Variants in MYADM observed in about 807,000 individuals in gnomAD.
MYADM encodes the protein myeloid associated differentiation marker.
For missense variants in MYADM, 416 were observed against 443.4 expected (o/e 0.94, Z 0.56); for synonymous variants, 224 against 210.2 (o/e 1.07, Z -0.57).
In MYADM at chr19:53,874,828, T is replaced by C. The variant is rs1143262; in HGVS notation, c.*330T>C. On this transcript the variant is annotated 3_prime_UTR_variant, in exon 3 of 3. Transcript: ENST00000391770. ...TCTCACTCTGTGGCCCAGGCTGGAG[T>C]GCAGTGGTGCGATCTCGACTCACTG... The C allele has an allele frequency of 0.63, 102,977 of 164,224 alleles. 35,321 individuals carry two copies. The highest frequency in any genetic ancestry group is 0.76 in the Non-Finnish European group (56,092 of 73,880). The allele number at this position is 164,224 out of a possible 1,614,324, so 10.2% of individuals were successfully genotyped here. A position where few individuals can be genotyped will look rare whatever the true frequency, so the allele number is the denominator to read the frequency against.
chr19:53,874,016 G>C lies in MYADM; in HGVS notation c.487G>C (p.Gly163Arg). The change falls in exon 3 of 3, where the codon GGC (glycine) becomes CGC (arginine). Residue 163 changes from glycine (G) to arginine (R), a missense_variant. By Grantham distance (125) the Gly-to-Arg change is moderately radical (BLOSUM62 -2). Transcript: ENST00000391770. ...AGTGGCCTGGACCCGGGCCCGGCCCGGCGAGATCACTGGCTATATGGCCAC... is the reference window on the plus strand; with the variant it reads ...AGTGGCCTGGACCCGGGCCCGGCCCCGCGAGATCACTGGCTATATGGCCAC... ...TEVAWTRARP[G>R]EITGYMATVP... 6.2e-7 allele frequency: 1 copy of C among 1,608,542 alleles called. No individual in the cohort carries two copies. Among genetic ancestry groups the C allele is most frequent in the Non-Finnish European group, 8.5e-7 (1 of 1,179,992 alleles).
chr19:53,874,353 G>A lies in MYADM; in HGVS notation c.824G>A (p.Arg275Lys). Residue 275 changes from arginine to lysine, a missense_variant, in exon 3 of 3, where the codon AGA becomes AAA. Transcript: ENST00000391770. ...EKYGGQPRRSRDVSCSRSHAY... is the reference protein window; with the variant it reads ...EKYGGQPRRSKDVSCSRSHAY... ...TATGGCGGCCAGCCTCGGCGCTCGA[G>A]AGATGTAAGCTGCAGCCGCAGCCAT... 1 of 1,614,026 alleles carries A rather than the reference G, an allele frequency of 6.2e-7. No individual in the cohort carries two copies. Among genetic ancestry groups the A allele is most frequent in the South Asian group, 1.1e-5 (1 of 91,080 alleles).
At chr19:53,866,484 G>A (rs919206245), upstream of MYADM, 8 of 152,272 alleles carry the variant, frequency 5.3e-5, no homozygotes, top group African/African-American at 1.9e-4. The surrounding 1 kb of genome is among the most constrained non-coding windows in gnomAD (Gnocchi z 4.3). Context: ...CTCCCCGGGG[G>A]CCCGACATCC....
chr19:53,873,369 C>A lies in MYADM; in HGVS notation c.-2-159C>A, dbSNP rs1181554282. Among the ~76,000 whole-genome samples, 2 of 141,124 alleles carry A rather than the reference C, an allele frequency of 1.4e-5. No individual in the cohort carries two copies. Among genetic ancestry groups the A allele is most frequent in the African/African-American group, 6.0e-5 (2 of 33,234 alleles). The allele number at this position is 141,124 out of a possible 152,430, so 92.6% of individuals were successfully genotyped here. On this transcript the variant is annotated intron_variant, in intron 2 of 2. Coordinates refer to ENST00000391770, the MANE Select transcript of MYADM (RefSeq NM_138373.5). This position sits in a 1 kb window ranked among gnomAD's most constrained non-coding sequence, Gnocchi z 4.3. ...CCTGGGCCACAGAGCAAGACTCTGT[C>A]TCAAAAAAAAAAAAAGAAAAGAAAA...
chr19:53,874,622 C>T lies in MYADM; in HGVS notation c.*124C>T, dbSNP rs2068484543. ...TTCCTCTTCCTGTCTCCCCTCCCTC[C>T]CACCTTTTTCTTTCCTTCCCAATTC... On this transcript the variant is annotated 3_prime_UTR_variant, in exon 3 of 3. Transcript: ENST00000391770. 8.6e-7 allele frequency: 1 copy of T among 1,161,590 alleles called. No individual in the cohort carries two copies. Among genetic ancestry groups the T allele is most frequent in the Non-Finnish European group, 1.2e-6 (1 of 839,178 alleles). 72.0% of individuals were successfully genotyped at this position (1,161,590 alleles called of 1,614,324 possible).
chr19:53,876,284 ATG>A lies in MYADM; in HGVS notation c.*1788_*1789del, dbSNP rs1167044857. 2 of 157,364 alleles carry A rather than the reference ATG, an allele frequency of 1.3e-5. No homozygotes were observed. Among genetic ancestry groups the A allele is most frequent in the African/African-American group, 5.0e-5 (2 of 39,820 alleles). The allele number at this position is 157,364 out of a possible 1,614,324, so 9.7% of individuals were successfully genotyped here. ...GTGATATATATATATATATATATAA[ATG>A]TATAAATATATATTTTATTTTTTTT... On this transcript the variant is annotated 3_prime_UTR_variant, in exon 3 of 3. Transcript: ENST00000391770.
At chr19:53,867,061 G>A (rs989351985), upstream of MYADM, among the ~76,000 whole-genome samples, 2 of 152,068 alleles carry the variant, frequency 1.3e-5, no homozygotes, top group African/African-American at 4.8e-5. Flanking sequence ...TAGCTCCCAG[G>A]AATTTTGCCC....
rs2068520748 is a variant in MYADM at position 53,875,728 on chromosome 19, A to T, written c.*1230A>T. 1 of 153,586 alleles carries T rather than the reference A, an allele frequency of 6.5e-6. No homozygotes were observed. The highest frequency in any genetic ancestry group is 1.5e-5 in the Non-Finnish European group (1 of 68,030). The allele number at this position is 153,586 out of a possible 1,614,324, so 9.5% of individuals were successfully genotyped here. ...GCCGGGCGTGGTGGCGGGCGCCTGT[A>T]ATCCCAGGTATTTGGGGGGACTGAG... On this transcript the variant is annotated 3_prime_UTR_variant, in exon 3 of 3. Coordinates refer to ENST00000391770, the MANE Select transcript of MYADM (RefSeq NM_138373.5).
chr19:53,873,855 C>T lies in MYADM; in HGVS notation c.326C>T (p.Ala109Val). 5.6e-6 allele frequency: 9 copies of T among 1,613,438 alleles called. No individual in the cohort carries two copies. The highest frequency in any genetic ancestry group is 7.6e-6 in the Non-Finnish European group (9 of 1,180,046). ...TTCCCCATCACCTTCGCCTGCTATG[C>T]GGCCCTCTTCTGCCTCTCGGCCTCC... ...RNFPITFACY[A>V]ALFCLSASII... The change falls in exon 3 of 3, where the codon GCG becomes GTG. Residue 109 changes from alanine to valine, a missense_variant. Coordinates refer to ENST00000391770, the MANE Select transcript of MYADM (RefSeq NM_138373.5). The surrounding 1 kb of genome is among the most constrained non-coding windows in gnomAD (Gnocchi z 4.3).
At position 53,873,799 on chromosome 19, in the gene MYADM, C is replaced by T; in HGVS notation, c.270C>T (p.Leu90=). The change falls in exon 3 of 3, where the codon CTC becomes CTT. Residue 90 remains leucine (L), a synonymous_variant. Transcript: ENST00000391770. The surrounding 1 kb of genome is among the most constrained non-coding windows in gnomAD (Gnocchi z 4.3). ...TCCTCATCGTGGAGCTGTGCGGGCT[C>T]CAGGCCCGCTTCCCCCTGTCTTGGC... ...LIILIVELCG[L]QARFPLSWRN... is the part of the protein sequence containing the mutation. 6.2e-7 allele frequency: 1 copy of T among 1,613,836 alleles called. No homozygotes were observed.
intron 1 of MYADM, chr19:53,869,534 C>T (rs1397282005): frequency 6.6e-6 from 1 of 152,594 alleles, no homozygotes; most frequent in Non-Finnish European, 1.5e-5. Flanking sequence ...TAAGATCACA[C>T]ACGCGCCCAC....
intron 2 of MYADM, among the ~76,000 whole-genome samples, chr19:53,872,397 C>T (rs1246335276): frequency 7.2e-5 from 11 of 151,728 alleles, no homozygotes; most frequent in African/African-American, 2.7e-4. Flanking sequence ...AGTGTCGCCA[C>T]GTTGGCCAGG....
chr19:53,867,330 C>A (rs1404860045), upstream of MYADM, among the ~76,000 whole-genome samples: 3 of 152,102 alleles, frequency 2.0e-5, no homozygotes, highest in Non-Finnish European at 4.4e-5. Flanking sequence ...GATCCTAGCC[C>A]CCCCATTGAA....
Position 53,874,005 on chromosome 19 carries a change from G to T in MYADM, c.476G>T (p.Arg159Leu). The change falls in exon 3 of 3, where the codon CGG becomes CTG. Residue 159 changes from arginine (R) to leucine (L), a missense_variant. Arg to Leu is a moderately radical substitution (Grantham distance 102, BLOSUM62 -2). Transcript: ENST00000391770. ...VAYATEVAWT[R>L]ARPGEITGYM... Reference sequence around the variant, plus strand: ...TACGCCACCGAAGTGGCCTGGACCCGGGCCCGGCCCGGCGAGATCACTGGC... The same window carrying T: ...TACGCCACCGAAGTGGCCTGGACCCTGGCCCGGCCCGGCGAGATCACTGGC... 6.2e-7 allele frequency: 1 copy of T among 1,608,682 alleles called. No individual in the cohort carries two copies.
At chr19:53,869,362 T>C (rs1057303439) in intron 1 of MYADM, 1 of 151,290 alleles carries the variant, frequency 6.6e-6, no homozygotes, top group Non-Finnish European at 1.5e-5. Context: ...CGGGCGGGGG[T>C]CCGGGCACCG....
Position 53,868,368 on chromosome 19 carries a change from G to A in MYADM, c.-88+425G>A, listed in dbSNP as rs995552480. On this transcript the variant is annotated intron_variant, in intron 1 of 2. Coordinates refer to ENST00000391770, the MANE Select transcript of MYADM (RefSeq NM_138373.5). This position sits in a 1 kb window ranked among gnomAD's most constrained non-coding sequence, Gnocchi z 6.3. ...GGGACTCGTAGGTGCCCTAGTTGGA[G>A]GCTGGAATCTGGTACGTGGAGGTCC... is the stretch of plus-strand genomic sequence containing the variant. Among the ~76,000 whole-genome samples, 3 of 152,056 alleles carry A rather than the reference G, an allele frequency of 2.0e-5. No homozygotes were observed. The highest frequency in any genetic ancestry group is 4.4e-5 in the Non-Finnish European group (3 of 67,988).
chr19:53,867,704 A>C (rs1473186719), upstream of MYADM, among the ~76,000 whole-genome samples: 1 of 151,982 alleles, frequency 6.6e-6, no homozygotes, highest in Non-Finnish European at 1.5e-5. Context: ...CGGGAGCTCC[A>C]CGCTACTTTT....
chr19:53,870,332 G>T (rs1255959179), intron 2 of MYADM, among the ~76,000 whole-genome samples: 1 of 129,854 alleles, frequency 7.7e-6, no homozygotes, highest in Non-Finnish European at 1.6e-5. Flanking sequence ...GGGAGGAGGG[G>T]CTGGGGTCTG....
chr19:53,871,314 A>G (rs76487848), intron 2 of MYADM, among the ~76,000 whole-genome samples: 4,176 of 152,242 alleles, frequency 0.027, 178 homozygotes, highest in African/African-American at 0.095. Flanking sequence ...ACAGTTGGAA[A>G]TCTGGGGAGC....
Sources: allele counts gnomAD v4.1 joint callset (sites outside exome capture counted in the v4.1 genomes callset), GRCh38; gene constraint gnomAD v4.1.1; non-coding constraint Gnocchi (gnomAD v3.1); transcripts MANE v1.5; gene names NCBI Gene and HGNC (gene_info 2026-07-23, HGNC 2026-07-21).